LRP1B: variants seen among roughly 807,000 people sequenced by gnomAD.
LRP1B encodes the protein low-density lipoprotein receptor-related protein 1B.
Under a neutral mutation model 556.6 loss-of-function variants are expected in LRP1B, and 217 were observed. The ratio of observed to expected loss-of-function variants is 0.39; its 90% CI spans 0.35 to 0.44. LRP1B has a LOEUF of 0.44. LRP1B is among the 20% of genes least tolerant of loss of function. The pLI, the probability that LRP1B is intolerant of heterozygous loss-of-function variation, is 1.00. For synonymous variants in LRP1B, 2,047 were observed against 1,865.8 expected, an observed-to-expected ratio of 1.10 and a Z score of -2.50; for missense variants, 5,053 against 5,620.8, an observed-to-expected ratio of 0.90 and a Z score of 3.23.
At chr2:140,463,227 T>A (rs1437283870) in intron 60 of LRP1B, among the ~76,000 whole-genome samples, 1 of 150,504 alleles carries the variant, frequency 6.6e-6, no homozygotes, top group Non-Finnish European at 1.5e-5. Context: ...TGACAAAGAG[T>A]GGGTGGGTGG....
intron 2 of LRP1B, among the ~76,000 whole-genome samples, chr2:141,535,492 C>T (rs67536595): frequency 0.19 from 29,272 of 151,408 alleles, 2,965 homozygotes; most frequent in South Asian, 0.39. Context: ...CTTTTTCTAC[C>T]CAAGAGAACT....
intron 63 of LRP1B, among the ~76,000 whole-genome samples, chr2:140,446,106 TA>T (rs1485953641): frequency 1.3e-5 from 2 of 152,008 alleles, no homozygotes; most frequent in Non-Finnish European, 2.9e-5. Context: ...AACATTTTGT[TA>T]ATTAATAATA....
chr2:140,916,437 G>T (rs2105246895), intron 21 of LRP1B, among the ~76,000 whole-genome samples: 1 of 152,302 alleles, frequency 6.6e-6, no homozygotes, highest in African/African-American at 2.4e-5. Context: ...AGCCCATAGA[G>T]AATTTTCATT....
At chr2:140,348,211 A>C (rs928914952) in intron 77 of LRP1B, among the ~76,000 whole-genome samples, 2 of 152,068 alleles carry the variant, frequency 1.3e-5, no homozygotes, top group African/African-American at 4.8e-5. Flanking sequence ...TAGTTGCTCT[A>C]CAATTCACAT....
intron 1 of LRP1B, among the ~76,000 whole-genome samples, chr2:142,039,018 A>C (rs1559037380): frequency 6.6e-6 from 1 of 151,490 alleles, no homozygotes; most frequent in East Asian, 1.9e-4. Flanking sequence ...TTTAAGTCAC[A>C]ATACACCAAG....
chr2:142,063,072 C>G (rs890226267), intron 1 of LRP1B, among the ~76,000 whole-genome samples: 12 of 125,996 alleles, frequency 9.5e-5, no homozygotes, highest in African/African-American at 3.0e-4. Flanking sequence ...AAAAAAAAAG[C>G]TGAGTTTAAA....
chr2:140,660,874 T>G (rs34244348), intron 41 of LRP1B, among the ~76,000 whole-genome samples: 24 of 137,600 alleles, frequency 1.7e-4, no homozygotes, highest in African/African-American at 5.7e-4. Flanking sequence ...TTTTTGTGTT[T>G]TTTTTTTTTT....
chr2:140,558,424 G>A (rs1051618696), intron 43 of LRP1B, among the ~76,000 whole-genome samples: 6 of 152,144 alleles, frequency 3.9e-5, no homozygotes, highest in African/African-American at 1.4e-4. Context: ...TTAAAAGTAA[G>A]TGAAGTATGA....
intron 84 of LRP1B, among the ~76,000 whole-genome samples, chr2:140,294,535 T>C (rs1047388590): frequency 3.9e-5 from 6 of 152,126 alleles, no homozygotes; most frequent in East Asian, 3.9e-4. Flanking sequence ...AACTGAGAAT[T>C]TGAACAATTT....
chr2:141,068,173 A>G (rs1699530153), intron 7 of LRP1B, among the ~76,000 whole-genome samples: 1 of 152,030 alleles, frequency 6.6e-6, no homozygotes, highest in Non-Finnish European at 1.5e-5. Flanking sequence ...TGAACAAGCA[A>G]ACATTGAAGC....
intron 2 of LRP1B, among the ~76,000 whole-genome samples, chr2:141,503,270 A>G (rs1288908468): frequency 4.1e-5 from 6 of 145,548 alleles, no homozygotes; most frequent in Admixed American, 2.1e-4. Context: ...ATAATATATA[A>G]TACCATAATA....
chr2:141,857,474 G>A (rs1203639107), intron 1 of LRP1B, among the ~76,000 whole-genome samples: 3 of 151,692 alleles, frequency 2.0e-5, no homozygotes, highest in African/African-American at 7.3e-5. Context: ...CCGAGTAGTT[G>A]GGACTATAGG....
intron 37 of LRP1B, among the ~76,000 whole-genome samples, chr2:140,711,314 G>A (rs1559070037): frequency 6.6e-6 from 1 of 151,896 alleles, no homozygotes; most frequent in Non-Finnish European, 1.5e-5. Flanking sequence ...CAAGCTCATA[G>A]TACCTCATCT....
At chr2:142,084,710 T>C (rs1006025446) in intron 1 of LRP1B, among the ~76,000 whole-genome samples, 7 of 152,312 alleles carry the variant, frequency 4.6e-5, no homozygotes, top group Non-Finnish European at 8.8e-5. Flanking sequence ...CTAGGATTAC[T>C]GTAATAGTTA....
chr2:141,829,944 T>A (rs749362954), intron 1 of LRP1B, among the ~76,000 whole-genome samples: 2 of 151,946 alleles, frequency 1.3e-5, no homozygotes, highest in Non-Finnish European at 2.9e-5. Flanking sequence ...TAATTTTAGA[T>A]GGTTTGGGGG....
Position 141,985,660 on chromosome 2 carries a change from T to G in LRP1B, c.82+144988A>C, listed in dbSNP as rs1046083001. Among the ~76,000 whole-genome samples, 24 of 152,042 alleles carry G rather than the reference T, an allele frequency of 1.6e-4. No homozygotes were observed. The South Asian group carries it at 4.6e-3, about 29-fold the overall frequency. On this transcript the variant is annotated intron_variant, in intron 1 of 90. Coordinates refer to ENST00000389484, the MANE Select transcript of LRP1B (RefSeq NM_018557.3). ...TTAGATGAGAGAGGTAAAAATGTGA[T>G]GAGAATTTTGAGTTCTTCTATGTTG...
intron 67 of LRP1B, among the ~76,000 whole-genome samples, chr2:140,385,354 T>C (rs1683712291): frequency 6.6e-6 from 1 of 152,222 alleles, no homozygotes; most frequent in African/African-American, 2.4e-5. Context: ...AGAATTATTA[T>C]TTTTAAATTT....
chr2:141,173,418 A>G (rs1045993562), intron 7 of LRP1B, among the ~76,000 whole-genome samples: 1 of 152,026 alleles, frequency 6.6e-6, no homozygotes, highest in African/African-American at 2.4e-5. Flanking sequence ...CCTCCACAAC[A>G]AAAGCATACA....
chr2:140,499,140 G>A (rs1689075051), intron 55 of LRP1B, among the ~76,000 whole-genome samples: 1 of 151,806 alleles, frequency 6.6e-6, no homozygotes, highest in Admixed American at 6.6e-5. Context: ...TATGTGTGAG[G>A]AATGTTTCAA....
Sources: gnomAD v4.1 joint callset for allele counts (sites outside exome capture counted in the v4.1 genomes callset) on GRCh38, gnomAD v4.1.1 for gene constraint, MANE v1.5 for transcripts, NCBI Gene and HGNC (gene_info 2026-07-23, HGNC 2026-07-21) for gene names.